CFAP61: variants seen among roughly 807,000 people sequenced by gnomAD.
The protein encoded by CFAP61 is cilia- and flagella-associated protein 61.
CFAP61 carries 107 observed loss-of-function variants against 135.6 expected under a neutral mutation model. The observed-to-expected ratio is 0.79, with a 90% confidence interval of 0.67 to 0.93. CFAP61 has a LOEUF of 0.93. Among genes scored for constraint, CFAP61 ranks in the 40% least tolerant of loss-of-function variants. CFAP61 has a pLI of 0.00. For missense variants in CFAP61, 1,507 were observed against 1,556.2 expected, an observed-to-expected ratio of 0.97 and a Z score of 0.53; for synonymous variants, 575 against 578.5, an observed-to-expected ratio of 0.99 and a Z score of 0.09.
chr20:20,218,263 G>T (rs2048170102), intron 17 of CFAP61, among the ~76,000 whole-genome samples: 1 of 152,136 alleles, frequency 6.6e-6, no homozygotes, highest in Admixed American at 6.5e-5. Flanking sequence ...TATTCTCGTG[G>T]TAATGAATAA....
At chr20:20,193,579 G>T (rs2056073453) in intron 15 of CFAP61, among the ~76,000 whole-genome samples, 1 of 151,826 alleles carries the variant, frequency 6.6e-6, no homozygotes, top group Non-Finnish European at 1.5e-5. Flanking sequence ...TACTCATTTG[G>T]CTGTGTGTAG....
chr20:20,090,081 T>C (rs1286875726), intron 6 of CFAP61, among the ~76,000 whole-genome samples: 2 of 152,238 alleles, frequency 1.3e-5, no homozygotes, highest in African/African-American at 4.8e-5. Context: ...GACAATATCA[T>C]AGTGGTGTTT....
At chr20:20,137,542 C>T (rs539795737) in intron 8 of CFAP61, among the ~76,000 whole-genome samples, 2 of 152,308 alleles carry the variant, frequency 1.3e-5, no homozygotes, top group South Asian at 4.1e-4. Context: ...CACAGGCCCA[C>T]AGGGAGTACT....
At chr20:20,200,398 G>A (rs780921861) in intron 17 of CFAP61, among the ~76,000 whole-genome samples, 1 of 152,144 alleles carries the variant, frequency 6.6e-6, no homozygotes, top group Non-Finnish European at 1.5e-5. Context: ...ATTAACAGAA[G>A]CATATGAGCT....
rs950212989 is a variant in CFAP61, at chr20:20,187,910, A to G, written c.1386-20A>G. ...ATATTTAGTACTTTAACTTAAAAAT[A>G]TATTCCTCTCCTTACCCAGGTCCAT... On this transcript the variant is annotated intron_variant, in intron 13 of 26. Coordinates refer to ENST00000245957, the MANE Select transcript of CFAP61 (RefSeq NM_015585.4). 8 of 1,600,688 alleles carry G rather than the reference A, an allele frequency of 5.0e-6. No homozygotes were observed. Among genetic ancestry groups the G allele is most frequent in the Non-Finnish European group, 6.8e-6 (8 of 1,168,764 alleles).
intron 25 of CFAP61, among the ~76,000 whole-genome samples, chr20:20,306,208 T>C (rs1055043332): frequency 6.6e-6 from 1 of 152,230 alleles, no homozygotes; most frequent in Non-Finnish European, 1.5e-5. Context: ...CAGATATTCA[T>C]GCCAAAGATG....
At chr20:20,179,366 C>T (rs770051752) in intron 13 of CFAP61, among the ~76,000 whole-genome samples, 9 of 152,128 alleles carry the variant, frequency 5.9e-5, no homozygotes, top group Non-Finnish European at 1.2e-4. Context: ...CAAAACACTG[C>T]TCAAAGAAAT....
intron 6 of CFAP61, among the ~76,000 whole-genome samples, chr20:20,081,348 G>A (rs1378198643): frequency 6.6e-6 from 1 of 152,202 alleles, no homozygotes; most frequent in African/African-American, 2.4e-5. Context: ...CTGGAGGTAT[G>A]TAGGGCTTAA....
intron 20 of CFAP61, chr20:20,253,845 G>T: frequency 5.4e-6 from 1 of 184,720 alleles, no homozygotes; most frequent in Non-Finnish European, 1.1e-5. Flanking sequence ...GGCCACTTAG[G>T]GGAACAGGAA....
At chr20:20,260,830 A>G (rs2052118619) in intron 20 of CFAP61, among the ~76,000 whole-genome samples, 2 of 152,208 alleles carry the variant, frequency 1.3e-5, no homozygotes, top group Non-Finnish European at 2.9e-5. Context: ...AAACTGATGT[A>G]ATGTTACCCA....
At chr20:20,097,096 ATTTTTTT>A (rs3060424) in intron 7 of CFAP61, among the ~76,000 whole-genome samples, 1 of 147,306 alleles carries the variant, frequency 6.8e-6, no homozygotes, top group Non-Finnish European at 1.5e-5. Flanking sequence ...TTTAATACCT[ATTTTTTT>A]TTTTTTTTTT....
At chr20:20,130,010 C>T (rs1481311389) in intron 8 of CFAP61, among the ~76,000 whole-genome samples, 1 of 151,558 alleles carries the variant, frequency 6.6e-6, no homozygotes, top group Non-Finnish European at 1.5e-5. Flanking sequence ...CACTGAGTAG[C>T]CGGGCGCGAT....
chr20:20,162,180 T>A (rs1299982294), intron 10 of CFAP61, among the ~76,000 whole-genome samples: 1 of 152,148 alleles, frequency 6.6e-6, no homozygotes, highest in African/African-American at 2.4e-5. Context: ...TCCCTCTGAC[T>A]CAGACCTGCT....
chr20:20,169,206 C>A, intron 12 of CFAP61, 115 bp from the exon 13 acceptor site: 1 of 941,972 alleles, frequency 1.1e-6, no homozygotes, highest in Non-Finnish European at 1.6e-6. Flanking sequence ...ATTTGAATAT[C>A]CTCTCCTTAA....
At chr20:20,155,416 A>G (rs2146786493) in intron 9 of CFAP61, among the ~76,000 whole-genome samples, 1 of 152,260 alleles carries the variant, frequency 6.6e-6, no homozygotes, top group African/African-American at 2.4e-5. Flanking sequence ...AGATAAATAG[A>G]TGGGACCTAA....
At chr20:20,310,879 A>G (rs2056785108) in intron 25 of CFAP61, among the ~76,000 whole-genome samples, 1 of 152,186 alleles carries the variant, frequency 6.6e-6, no homozygotes, top group Non-Finnish European at 1.5e-5. Flanking sequence ...GCACCTCCTC[A>G]GGGTGTTCCA....
At chr20:20,078,889 T>C (rs73291692) in intron 6 of CFAP61, among the ~76,000 whole-genome samples, 15,420 of 152,164 alleles carry the variant, frequency 0.1, 2,624 homozygotes, top group African/African-American at 0.35. Flanking sequence ...AAATTGCCAG[T>C]ATCAGGAATG....
chr20:20,205,173 G>T (rs534313762), intron 17 of CFAP61, among the ~76,000 whole-genome samples: 66 of 152,088 alleles, frequency 4.3e-4, no homozygotes, highest in Non-Finnish European at 8.2e-4. Context: ...CTAATTTTTC[G>T]CTCTTAGAAA....
In CFAP61 at chr20:20,090,874, A is replaced by G. The variant is rs777971532; in HGVS notation, c.597A>G (p.Ile199Met). ...RVEDHDDLMPIFMRYDTILKE... is the reference protein window; with the variant it reads ...RVEDHDDLMPMFMRYDTILKE... Reference sequence around the variant, plus strand: ...AAGACCATGACGATCTCATGCCAATATTTATGCGCTATGACACAATTCTGA... The same window carrying G: ...AAGACCATGACGATCTCATGCCAATGTTTATGCGCTATGACACAATTCTGA... The change falls in exon 7 of 27, where the codon ATA becomes ATG. Residue 199 changes from isoleucine (I) to methionine (M), a missense_variant. By Grantham distance (10) the Ile-to-Met change is conservative. Transcript: ENST00000245957. 2 of 1,614,090 alleles carry G rather than the reference A, an allele frequency of 1.2e-6. No individual in the cohort carries two copies. The highest frequency in any genetic ancestry group is 4.5e-5 in the East Asian group (2 of 44,874).
Sources: allele counts gnomAD v4.1 joint callset (sites outside exome capture counted in the v4.1 genomes callset), GRCh38; gene constraint gnomAD v4.1.1; transcripts MANE v1.5; gene names NCBI Gene and HGNC (gene_info 2026-07-23, HGNC 2026-07-21).